The following CAMK1D variants were observed in gnomAD, a reference collection of about 807,000 sequenced individuals.
The protein encoded by CAMK1D is calcium/calmodulin dependent protein kinase ID, also known as calcium/calmodulin-dependent protein kinase type 1D.
Under a neutral mutation model 47.7 loss-of-function variants are expected in CAMK1D, and 9 were observed. The ratio of observed to expected loss-of-function variants is 0.19; its 90% CI spans 0.11 to 0.33. The LOEUF (loss-of-function observed/expected upper bound fraction) is 0.33. CAMK1D is among the 10% of genes least tolerant of loss of function. The pLI is 1.00. For synonymous variants in CAMK1D, 184 were observed against 184.9 expected, an observed-to-expected ratio of 0.99 and a Z score of 0.04; for missense variants, 291 against 488.7, an observed-to-expected ratio of 0.60 and a Z score of 3.81.
intron 6 of CAMK1D, among the ~76,000 whole-genome samples, chr10:12,792,959 C>T (rs554742877): frequency 2.8e-4 from 13 of 46,222 alleles, no homozygotes; most frequent in African/African-American, 4.6e-4. Context: ...CATGTGTGCG[C>T]GCACACACAC....
At chr10:12,581,478 C>T (rs1180010335) in intron 2 of CAMK1D, among the ~76,000 whole-genome samples, 2 of 152,118 alleles carry the variant, frequency 1.3e-5, no homozygotes, top group African/African-American at 4.8e-5. Context: ...TTTTCCATAG[C>T]GGTTTTACTT....
At chr10:12,586,972 A>T (rs1284196230) in intron 2 of CAMK1D, among the ~76,000 whole-genome samples, 1 of 152,110 alleles carries the variant, frequency 6.6e-6, no homozygotes, top group Admixed American at 6.5e-5. Flanking sequence ...GACTCACAGG[A>T]AGGCTGCTCT....
intron 1 of CAMK1D, among the ~76,000 whole-genome samples, chr10:12,384,021 G>A (rs1292150528): frequency 6.6e-6 from 1 of 152,118 alleles, no homozygotes; most frequent in Non-Finnish European, 1.5e-5. Context: ...CAAGATCCAA[G>A]ATCAGTATAC....
chr10:12,756,205 TC>T (rs1282147039), intron 3 of CAMK1D, among the ~76,000 whole-genome samples: 4 of 152,344 alleles, frequency 2.6e-5, no homozygotes, highest in East Asian at 3.9e-4. Flanking sequence ...GCAGAAGTGC[TC>T]CCTTTTAATG....
At chr10:12,442,765 A>G (rs1432426979) in intron 1 of CAMK1D, among the ~76,000 whole-genome samples, 1 of 152,216 alleles carries the variant, frequency 6.6e-6, no homozygotes, top group Non-Finnish European at 1.5e-5. Flanking sequence ...AGGATCAGAA[A>G]GGAACTTGTA....
chr10:12,608,606 T>A (rs1263670894), intron 2 of CAMK1D, among the ~76,000 whole-genome samples: 1 of 152,232 alleles, frequency 6.6e-6, no homozygotes, highest in African/African-American at 2.4e-5. Context: ...GAGCCACCAC[T>A]ACAGATGAGC....
chr10:12,475,880 C>T (rs990331378), intron 1 of CAMK1D, among the ~76,000 whole-genome samples: 10 of 151,028 alleles, frequency 6.6e-5, no homozygotes, highest in East Asian at 5.8e-4. Context: ...TGAGTGATGG[C>T]GGTGCTAGAA....
chr10:12,827,462 T>TTCTCTTTCTTTCTTTCTTTC lies in CAMK1D; in HGVS notation c.1040-1306_1040-1305insCTCTTTCTTTCTTTCTTTCT, dbSNP rs1564594070. Among the ~76,000 whole-genome samples, 2 of 12,122 alleles carry TTCTCTTTCTTTCTTTCTTTC rather than the reference T, an allele frequency of 1.6e-4. 1 individual carries two copies. The highest frequency in any genetic ancestry group is 4.9e-4 in the Non-Finnish European group (2 of 4,072). The allele number at this position is 12,122 out of a possible 152,430, so 8.0% of individuals were successfully genotyped here. ...TTCTTTCTTTCTTTCTTTTCTTTCT[T>TTCTCTTTCTTTCTTTCTTTC]TGTCTGTCTGTCTTTCTTTCTTTCT... On this transcript the variant is annotated intron_variant, in intron 10 of 10. Transcript: ENST00000619168.
chr10:12,562,591 C>T (rs1272255250), intron 2 of CAMK1D, among the ~76,000 whole-genome samples: 1 of 152,196 alleles, frequency 6.6e-6, no homozygotes, highest in African/African-American at 2.4e-5. Context: ...CATCTTCCCA[C>T]CCCTCACCCC....
intron 3 of CAMK1D, among the ~76,000 whole-genome samples, chr10:12,676,213 C>T (rs111523756): frequency 0.013 from 1,993 of 152,296 alleles, 43 homozygotes; most frequent in African/African-American, 0.045. Flanking sequence ...CTCTACCTCC[C>T]AGAGTGCTGG....
chr10:12,457,779 CAAAAA>C (rs5783269), intron 1 of CAMK1D, among the ~76,000 whole-genome samples: 15 of 71,124 alleles, frequency 2.1e-4, no homozygotes, highest in African/African-American at 5.9e-4. Flanking sequence ...GACTCTGTCT[CAAAAA>C]AAAAAAAAAA....
intron 3 of CAMK1D, among the ~76,000 whole-genome samples, chr10:12,680,560 G>C (rs10508446): frequency 6.6e-6 from 1 of 151,910 alleles, no homozygotes; most frequent in Admixed American, 6.6e-5. Flanking sequence ...TTCCAAAACC[G>C]GATCTCATCT....
intron 1 of CAMK1D, among the ~76,000 whole-genome samples, chr10:12,402,223 C>G (rs199532671): frequency 2.6e-5 from 4 of 151,318 alleles, no homozygotes; most frequent in Non-Finnish European, 5.9e-5. Flanking sequence ...ATTACAGGCA[C>G]GAGCCACCGC....
intron 3 of CAMK1D, among the ~76,000 whole-genome samples, chr10:12,748,757 T>G (rs758083847): frequency 6.6e-5 from 10 of 152,118 alleles, no homozygotes; most frequent in Non-Finnish European, 1.3e-4. Flanking sequence ...AAAGCAAAAT[T>G]AGCCAGTTGT....
chr10:12,814,970 T>C (rs1832740790), intron 7 of CAMK1D, among the ~76,000 whole-genome samples: 1 of 152,172 alleles, frequency 6.6e-6, no homozygotes, highest in South Asian at 2.1e-4. Context: ...GTAGCTGACA[T>C]TTATTGAGTG....
At chr10:12,761,628 C>T (rs4750256) in intron 4 of CAMK1D, among the ~76,000 whole-genome samples, 118,436 of 152,050 alleles carry the variant, frequency 0.78, 47,926 homozygotes, top group Non-Finnish European at 0.88. Flanking sequence ...GTGGCTCAGG[C>T]CTGTAATCCC....
At chr10:12,365,457 G>C (rs1342936481) in intron 1 of CAMK1D, among the ~76,000 whole-genome samples, 1 of 151,640 alleles carries the variant, frequency 6.6e-6, no homozygotes, top group East Asian at 2.0e-4. Context: ...TTTTTGTTTT[G>C]ATACAGTGTC....
intron 3 of CAMK1D, among the ~76,000 whole-genome samples, chr10:12,682,247 A>T (rs892966692): frequency 6.6e-6 from 1 of 152,042 alleles, no homozygotes; most frequent in Non-Finnish European, 1.5e-5. Flanking sequence ...AAACAAAAAA[A>T]AGTTAGTTTT....
At chr10:12,700,333 C>T (rs1482513372) in intron 3 of CAMK1D, among the ~76,000 whole-genome samples, 1 of 152,146 alleles carries the variant, frequency 6.6e-6, no homozygotes, top group African/African-American at 2.4e-5. Context: ...TTCTTCTTCA[C>T]GTGGTGGGAG....
Sources: gnomAD v4.1 joint callset for allele counts (sites outside exome capture counted in the v4.1 genomes callset) on GRCh38, gnomAD v4.1.1 for gene constraint, MANE v1.5 for transcripts, NCBI Gene and HGNC (gene_info 2026-07-23, HGNC 2026-07-21) for gene names.